EBF2: variants seen among roughly 807,000 people sequenced by gnomAD.
The protein encoded by EBF2 is transcription factor COE2.
Under a neutral mutation model 72.8 loss-of-function variants are expected in EBF2, and 21 were observed. The ratio of observed to expected loss-of-function variants is 0.29; its 90% CI spans 0.20 to 0.42. EBF2 has a LOEUF of 0.42. Ranked by LOEUF, EBF2 falls within the 10% of genes least tolerant of loss-of-function variation. EBF2 has a pLI of 1.00. For synonymous variants in EBF2, 299 were observed against 274.2 expected (o/e 1.09, Z -0.89); for missense variants, 637 against 731.2 (o/e 0.87, Z 1.49).
At chr8:25,958,246 A>G (rs1325294834) in intron 6 of EBF2, among the ~76,000 whole-genome samples, 1 of 152,240 alleles carries the variant, frequency 6.6e-6, no homozygotes, top group Non-Finnish European at 1.5e-5. Flanking sequence ...TGCTCAGAGC[A>G]GGAAAAGGTA....
chr8:25,866,884 G>A (rs564097420), intron 10 of EBF2, among the ~76,000 whole-genome samples: 5 of 151,562 alleles, frequency 3.3e-5, no homozygotes, highest in South Asian at 2.1e-4. Context: ...CACCCATCTC[G>A]GCCTCCCAAA....
chr8:25,852,206 T>C (rs929567388), intron 14 of EBF2, among the ~76,000 whole-genome samples: 1 of 152,220 alleles, frequency 6.6e-6, no homozygotes, highest in Non-Finnish European at 1.5e-5. Flanking sequence ...ACTGTTGGGC[T>C]AATTCACATA....
chr8:25,946,958 A>G (rs1012717271), intron 6 of EBF2, among the ~76,000 whole-genome samples: 2 of 152,208 alleles, frequency 1.3e-5, no homozygotes, highest in African/African-American at 4.8e-5. Flanking sequence ...AATTCTACTT[A>G]TTTAACAAAT....
At chr8:25,882,169 G>A (rs754154400) in intron 10 of EBF2, among the ~76,000 whole-genome samples, 35 of 152,246 alleles carry the variant, frequency 2.3e-4, no homozygotes, top group Non-Finnish European at 3.8e-4. Context: ...GGCTTCAGCT[G>A]TAAAATTTAC....
In EBF2 at chr8:26,044,974, C is replaced by A; in HGVS notation, c.-115G>T. 7 of 1,122,516 alleles carry A rather than the reference C, an allele frequency of 6.2e-6. No individual in the cohort carries two copies. Among genetic ancestry groups the A allele is most frequent in the Middle Eastern group, 2.1e-4 (1 of 4,780 alleles). The allele number at this position is 1,122,516 out of a possible 1,614,324, so 69.5% of individuals were successfully genotyped here. On this transcript the variant is annotated 5_prime_UTR_variant, in exon 1 of 16. Transcript: ENST00000520164. This position sits in a 1 kb window ranked among gnomAD's most constrained non-coding sequence, Gnocchi z 4.1. ...TCCAAAGCAATCCAAGAAAAGGGAT[C>A]AAGTGCCCAAGTTTGAGTCTTAGAA...
rs557268821 is a variant in EBF2 at position 25,998,186 on chromosome 8, A to G, written c.551+34899T>C. Among the ~76,000 whole-genome samples the G allele has an allele frequency of 2.6e-5, 4 of 152,202 alleles. 1 individual carries two copies. The highest frequency in any genetic ancestry group is 7.2e-5 in the African/African-American group (3 of 41,530). On this transcript the variant is annotated intron_variant, in intron 6 of 15. Coordinates refer to ENST00000520164, the MANE Select transcript of EBF2 (RefSeq NM_022659.4). ...TGGGTCGTGGCACACTTACTCTACA[A>G]AATAAGGGCAAGACATAATTCTACA...
intron 7 of EBF2, among the ~76,000 whole-genome samples, chr8:25,891,464 A>G (rs142677382): frequency 6.6e-6 from 1 of 152,284 alleles, no homozygotes; most frequent in East Asian, 1.9e-4. Flanking sequence ...CAAAATGAAG[A>G]GTCGTGTTTA....
intron 6 of EBF2, among the ~76,000 whole-genome samples, chr8:25,940,342 C>T (rs1324696066): frequency 1.3e-5 from 2 of 152,304 alleles, no homozygotes; most frequent in East Asian, 3.9e-4. Context: ...AAACCAAGGA[C>T]AGGGAGTTGA....
At chr8:25,903,588 T>G (rs967950702) in intron 7 of EBF2, among the ~76,000 whole-genome samples, 4 of 151,994 alleles carry the variant, frequency 2.6e-5, no homozygotes, top group Non-Finnish European at 5.9e-5. Context: ...TCCCAGCTAC[T>G]CTGGAGGCTG....
chr8:25,945,088 G>GCCCCCCCCCCCCCCCCCCC (rs11461828), intron 6 of EBF2, among the ~76,000 whole-genome samples: 4 of 127,376 alleles, frequency 3.1e-5, no homozygotes, highest in Admixed American at 9.1e-5. Context: ...TTGTTCTGTT[G>GCCCCCCCCCCCCCCCCCCC]CCCCCCCCGC....
intron 6 of EBF2, among the ~76,000 whole-genome samples, chr8:26,030,513 C>T (rs1019860214): frequency 6.6e-6 from 1 of 151,704 alleles, no homozygotes; most frequent in Admixed American, 6.6e-5. Flanking sequence ...CAACATGGCA[C>T]ATGTATACAT....
intron 6 of EBF2, among the ~76,000 whole-genome samples, chr8:25,979,063 C>T (rs1259426203): frequency 6.6e-6 from 1 of 152,186 alleles, no homozygotes; most frequent in Non-Finnish European, 1.5e-5. Flanking sequence ...TGTGAAGGAT[C>T]CACATAGAAA....
At chr8:25,883,029 T>C (rs1159642752) in intron 10 of EBF2, among the ~76,000 whole-genome samples, 2 of 152,256 alleles carry the variant, frequency 1.3e-5, no homozygotes, top group African/African-American at 4.8e-5. Context: ...ATGCCATCTT[T>C]AATTCAACAG....
chr8:25,981,119 C>T (rs1804355101), intron 6 of EBF2, among the ~76,000 whole-genome samples: 1 of 152,192 alleles, frequency 6.6e-6, no homozygotes, highest in East Asian at 1.9e-4. Context: ...CCTCCTTCTT[C>T]ACCCTCCCTG....
At chr8:25,936,324 G>A (rs757017948) in intron 6 of EBF2, among the ~76,000 whole-genome samples, 1 of 152,104 alleles carries the variant, frequency 6.6e-6, no homozygotes, top group Non-Finnish European at 1.5e-5. Context: ...TAGCACCCCC[G>A]ATGCTCCAGG....
At chr8:25,855,669 C>T (rs764667287) in intron 14 of EBF2, among the ~76,000 whole-genome samples, 2 of 151,924 alleles carry the variant, frequency 1.3e-5, no homozygotes, top group African/African-American at 2.4e-5. Context: ...TTTTGTATTT[C>T]CCAGAGAAGT....
At chr8:25,914,465 G>T (rs934603381) in intron 6 of EBF2, among the ~76,000 whole-genome samples, 1 of 152,172 alleles carries the variant, frequency 6.6e-6, no homozygotes, top group Admixed American at 6.5e-5. Context: ...GTTAGCCCAG[G>T]CTACAAAGGG....
chr8:26,010,709 G>A (rs548493324), intron 6 of EBF2, among the ~76,000 whole-genome samples: 29 of 152,276 alleles, frequency 1.9e-4, no homozygotes, highest in Admixed American at 1.0e-3. Flanking sequence ...AACGGCAAAT[G>A]TTATTTATTT....
At chr8:25,947,434 T>G (rs1377006851) in intron 6 of EBF2, among the ~76,000 whole-genome samples, 1 of 152,236 alleles carries the variant, frequency 6.6e-6, no homozygotes, top group Non-Finnish European at 1.5e-5. Context: ...CATGTCTTTA[T>G]TAGCAGTGTG....
Sources: allele counts gnomAD v4.1 joint callset (sites outside exome capture counted in the v4.1 genomes callset), GRCh38; gene constraint gnomAD v4.1.1; non-coding constraint Gnocchi (gnomAD v3.1); transcripts MANE v1.5; gene names NCBI Gene and HGNC (gene_info 2026-07-23, HGNC 2026-07-21).